NTM: variants seen among roughly 807,000 people sequenced by gnomAD.
NTM encodes neurotrimin.
Under a neutral mutation model 42.1 loss-of-function variants are expected in NTM, and 13 were observed. The ratio of observed to expected loss-of-function variants is 0.31; its 90% CI spans 0.20 to 0.49. The LOEUF is 0.49. Among genes scored for constraint, NTM ranks in the 20% least tolerant of loss-of-function variants. The pLI, the probability that NTM is intolerant of heterozygous loss-of-function variation, is 0.99. For synonymous variants in NTM, 187 were observed against 179.2 expected (o/e 1.04, Z -0.35); for missense variants, 373 against 452.8 (o/e 0.82, Z 1.60).
chr11:131,876,063 G>C (rs1820121524), intron 1 of NTM, among the ~76,000 whole-genome samples: 1 of 152,284 alleles, frequency 6.6e-6, no homozygotes, highest in African/African-American at 2.4e-5. Context: ...TTTTCTTGTG[G>C]CATTTGAAGG....
chr11:131,763,134 G>A (rs2084499405), intron 1 of NTM, among the ~76,000 whole-genome samples: 1 of 152,098 alleles, frequency 6.6e-6, no homozygotes, highest in Admixed American at 6.5e-5. Context: ...CCCCACACCA[G>A]ATCTCCATAA....
At chr11:131,556,643 T>C (rs1420619911) in intron 1 of NTM, among the ~76,000 whole-genome samples, 2 of 151,132 alleles carry the variant, frequency 1.3e-5, no homozygotes, top group African/African-American at 4.9e-5. Context: ...TCTCGGCTCA[T>C]TGAAACCTTC....
At chr11:132,039,180 C>T (rs2076877147) in intron 2 of NTM, among the ~76,000 whole-genome samples, 1 of 152,180 alleles carries the variant, frequency 6.6e-6, no homozygotes, top group South Asian at 2.1e-4. Context: ...CACTGCCTCC[C>T]ACCCAATTGG....
intron 4 of NTM, among the ~76,000 whole-genome samples, chr11:132,281,722 C>T (rs75413969): frequency 1.4e-3 from 220 of 152,278 alleles, no homozygotes; most frequent in African/African-American, 5.1e-3. Flanking sequence ...CAAGCACAGA[C>T]ATATTCTTCT....
At chr11:131,919,062 A>C (rs1052432615) in intron 2 of NTM, among the ~76,000 whole-genome samples, 1 of 151,914 alleles carries the variant, frequency 6.6e-6, no homozygotes, top group Non-Finnish European at 1.5e-5. Flanking sequence ...CAGTCAGTGG[A>C]TCTGGATGCC....
chr11:132,283,859 A>C (rs1591732345), intron 4 of NTM, among the ~76,000 whole-genome samples: 1 of 152,128 alleles, frequency 6.6e-6, no homozygotes, highest in South Asian at 2.1e-4. Flanking sequence ...TGCAGAGGAG[A>C]CACTAAGCTC....
At chr11:131,615,100 T>G (rs7121897) in intron 1 of NTM, among the ~76,000 whole-genome samples, 33,873 of 152,148 alleles carry the variant, frequency 0.22, 4,049 homozygotes, top group South Asian at 0.33. Context: ...CAAAGCAATA[T>G]TCTATCTTAA....
intron 1 of NTM, among the ~76,000 whole-genome samples, chr11:131,458,734 C>T (rs1951121480): frequency 6.6e-6 from 1 of 152,360 alleles, no homozygotes. Flanking sequence ...TCTCAGGCCA[C>T]CCATTCCCAG....
rs947147995 is a variant in NTM, at chr11:132,119,315, C to T, written c.168-26967C>T. ...AGTTGGGCAAATTTTCCAAAGCACACTGTGCAGTAAGAAAAACCATCACTC... is the reference window on the plus strand; with the variant it reads ...AGTTGGGCAAATTTTCCAAAGCACATTGTGCAGTAAGAAAAACCATCACTC... On this transcript the variant is annotated intron_variant, in intron 2 of 8. Transcript: ENST00000683400. Among the ~76,000 whole-genome samples the T allele has an allele frequency of 1.1e-4, 16 of 151,530 alleles. 1 individual carries two copies. The highest frequency in any genetic ancestry group is 3.3e-4 in the Admixed American group (5 of 15,208).
chr11:131,819,974 G>A (rs1445953600), intron 1 of NTM, among the ~76,000 whole-genome samples: 1 of 152,202 alleles, frequency 6.6e-6, no homozygotes, highest in Non-Finnish European at 1.5e-5. Context: ...GTGGCACAGG[G>A]TGTTATTAGG....
At position 132,182,439 on chromosome 11, in the gene NTM, T is replaced by C. The variant is rs114723120; in HGVS notation, c.401-29583T>C. ...CCCTGGGCATATTATTTAATCTCTC[T>C]ACGTGTCATGTATAAAATCAGGGGA... is the stretch of plus-strand genomic sequence containing the variant. On this transcript the variant is annotated intron_variant, in intron 3 of 8. Transcript: ENST00000683400. Among the ~76,000 whole-genome samples the C allele has an allele frequency of 2.7e-3, 416 of 152,324 alleles. 1 individual carries two copies. The highest frequency in any genetic ancestry group is 9.6e-3 in the African/African-American group (401 of 41,580).
rs545097062 is a variant in NTM at position 131,962,995 on chromosome 11, T to C, written c.167+51347T>C. On this transcript the variant is annotated intron_variant, in intron 2 of 8. Transcript: ENST00000683400. Reference sequence around the variant, plus strand: ...GCGTTTGCTACAGGGTGTCAAGGAGTCATTTCATATCCCTGACACAGCCTG... The same window carrying C: ...GCGTTTGCTACAGGGTGTCAAGGAGCCATTTCATATCCCTGACACAGCCTG... Among the ~76,000 whole-genome samples, 352 of 152,078 alleles carry C rather than the reference T, an allele frequency of 2.3e-3. 6 individuals carry two copies. Among genetic ancestry groups the C allele is most frequent in the African/African-American group, 8.1e-3 (334 of 41,470 alleles).
At chr11:131,458,941 C>G (rs577855894) in intron 1 of NTM, among the ~76,000 whole-genome samples, 30 of 152,370 alleles carry the variant, frequency 2.0e-4, no homozygotes, top group African/African-American at 6.7e-4. Flanking sequence ...AGGAGTTGCA[C>G]TTGGATACCC....
intron 4 of NTM, among the ~76,000 whole-genome samples, chr11:132,259,245 G>C (rs1274977114): frequency 1.3e-5 from 2 of 152,010 alleles, no homozygotes; most frequent in Non-Finnish European, 2.9e-5. Flanking sequence ...ATATTGGAAA[G>C]AGCCTTAAAT....
chr11:131,621,675 A>T (rs988168430), intron 1 of NTM, among the ~76,000 whole-genome samples: 4 of 150,322 alleles, frequency 2.7e-5, no homozygotes, highest in Admixed American at 6.7e-5. Flanking sequence ...TTCTTTAATT[A>T]GCTGAGCATG....
intron 4 of NTM, among the ~76,000 whole-genome samples, chr11:132,282,656 C>T (rs1326255890): frequency 1.3e-5 from 2 of 152,116 alleles, no homozygotes; most frequent in Admixed American, 1.3e-4. Context: ...TGTTTCAACT[C>T]AGTTGGAATA....
chr11:131,745,024 G>T (rs1347658534), intron 1 of NTM, among the ~76,000 whole-genome samples: 1 of 152,228 alleles, frequency 6.6e-6, no homozygotes, highest in Non-Finnish European at 1.5e-5. Flanking sequence ...TTCAACTGGA[G>T]CCGCTTGTGG....
intron 1 of NTM, among the ~76,000 whole-genome samples, chr11:131,446,014 C>G (rs994295153): frequency 9.9e-5 from 15 of 152,282 alleles, no homozygotes; most frequent in African/African-American, 3.6e-4. Context: ...AATTGCCCAC[C>G]CCATTCTAGT....
intron 1 of NTM, among the ~76,000 whole-genome samples, chr11:131,848,611 A>G (rs941042544): frequency 1.3e-5 from 2 of 152,222 alleles, no homozygotes; most frequent in Non-Finnish European, 1.5e-5. Flanking sequence ...TGATGATGGC[A>G]TTAAAGTGCA....
Sources: allele counts gnomAD v4.1 joint callset (sites outside exome capture counted in the v4.1 genomes callset), GRCh38; gene constraint gnomAD v4.1.1; transcripts MANE v1.5; gene names NCBI Gene and HGNC (gene_info 2026-07-23, HGNC 2026-07-21).